THSD7A: variants seen among roughly 807,000 people sequenced by gnomAD.
The protein encoded by THSD7A is thrombospondin type-1 domain-containing protein 7A.
In THSD7A, 96 loss-of-function variants were observed where a neutral mutation model predicts 231.3. The ratio of observed to expected loss-of-function variants is 0.41; its 90% CI spans 0.35 to 0.49. The LOEUF (loss-of-function observed/expected upper bound fraction) is 0.49, where lower values mean the gene tolerates loss of function less well. Among genes scored for constraint, THSD7A ranks in the 20% least tolerant of loss-of-function variants. The pLI, the probability that THSD7A is intolerant of heterozygous loss-of-function variation, is 0.05. For synonymous variants in THSD7A, 940 were observed against 743.3 expected (o/e 1.26, Z -4.30); for missense variants, 2,290 against 2,070.2 (o/e 1.11, Z -2.06).
At chr7:11,594,419 G>T (rs1165884013) in intron 2 of THSD7A, among the ~76,000 whole-genome samples, 1 of 152,156 alleles carries the variant, frequency 6.6e-6, no homozygotes, top group East Asian at 1.9e-4. Flanking sequence ...GATTTCTGGA[G>T]TTGGCTGCTT....
intron 1 of THSD7A, among the ~76,000 whole-genome samples, chr7:11,668,724 G>C (rs1379255458): frequency 6.6e-6 from 1 of 152,162 alleles, no homozygotes; most frequent in Non-Finnish European, 1.5e-5. Flanking sequence ...TCCTAAAACA[G>C]AAGTATGAAT....
intron 4 of THSD7A, among the ~76,000 whole-genome samples, chr7:11,553,536 T>C (rs1323843798): frequency 6.6e-6 from 1 of 152,100 alleles, no homozygotes; most frequent in Non-Finnish European, 1.5e-5. Context: ...TCTTGTATAA[T>C]TTACTATTTA....
Position 11,378,922 on chromosome 7 carries a change from T to G in THSD7A, c.4801+148A>C, listed in dbSNP as rs1282091105. The G allele has an allele frequency of 7.3e-6, 5 of 684,744 alleles. No homozygotes were observed. The African/African-American group carries it at 9.1e-5, about 12-fold the overall frequency. 42.4% of individuals were successfully genotyped at this position (684,744 alleles called of 1,614,324 possible). ...ATTTTCCATAATGATAGTAAAAAAT[T>G]GAAGAATAGATGGCACTATCAGAAT... is the stretch of plus-strand genomic sequence containing the variant. On this transcript the variant is annotated intron_variant, in intron 26 of 27. Coordinates refer to ENST00000423059, the MANE Select transcript of THSD7A (RefSeq NM_015204.3).
In THSD7A at chr7:11,373,617, T is replaced by G. The variant is rs1385800654; in HGVS notation, c.*2177A>C. ...AATATAGTGAATATTGAATGAGGAA[T>G]TAGCGCTTACTGCATTTAGTTCTTA... On this transcript the variant is annotated 3_prime_UTR_variant, in exon 28 of 28. Transcript: ENST00000423059. 1 of 152,048 alleles carries G rather than the reference T, an allele frequency of 6.6e-6. No homozygotes were observed. Among genetic ancestry groups the G allele is most frequent in the Non-Finnish European group, 1.5e-5 (1 of 67,972 alleles). The allele number at this position is 152,048 out of a possible 1,614,324, so 9.4% of individuals were successfully genotyped here.
chr7:11,803,923 A>G (rs1430428569), intron 1 of THSD7A, among the ~76,000 whole-genome samples: 1 of 152,178 alleles, frequency 6.6e-6, no homozygotes, highest in Non-Finnish European at 1.5e-5. Context: ...ACATTACAAT[A>G]TATTAGATTA....
rs1783767543 is a variant in THSD7A, at chr7:11,411,053, T to C, written c.3798+154A>G. ...ATGTAGGAATCAGTAGTGTTGGACA[T>C]TGTGTCTTTTCAAGAACATACTTAG... On this transcript the variant is annotated intron_variant, in intron 19 of 27. Coordinates refer to ENST00000423059, the MANE Select transcript of THSD7A (RefSeq NM_015204.3). This position sits in a 1 kb window ranked among gnomAD's most constrained non-coding sequence, Gnocchi z 4.1. Among the ~76,000 whole-genome samples, 1 of 151,926 alleles carries C rather than the reference T, an allele frequency of 6.6e-6. No individual in the cohort carries two copies. Among genetic ancestry groups the C allele is most frequent in the Non-Finnish European group, 1.5e-5 (1 of 68,016 alleles).
chr7:11,572,848 C>T (rs2128335136), intron 4 of THSD7A, among the ~76,000 whole-genome samples: 1 of 152,100 alleles, frequency 6.6e-6, no homozygotes. Flanking sequence ...TGCCTTTTTC[C>T]CTCCGTCAAT....
In THSD7A at chr7:11,461,584, T is replaced by C. The variant is rs541057919; in HGVS notation, c.2501+427A>G. Among the ~76,000 whole-genome samples, 25 of 152,306 alleles carry C rather than the reference T, an allele frequency of 1.6e-4. No homozygotes were observed. In the South Asian group the frequency reaches 3.9e-3, roughly 24 times the overall value. On this transcript the variant is annotated intron_variant, in intron 10 of 27. Coordinates refer to ENST00000423059, the MANE Select transcript of THSD7A (RefSeq NM_015204.3). ...CTTACCAGCATCATTGAGATACAGA[T>C]GTCATTTCCTGAGCCAGAATGTGAG...
At chr7:11,792,816 C>T (rs1223038556) in intron 1 of THSD7A, among the ~76,000 whole-genome samples, 4 of 151,782 alleles carry the variant, frequency 2.6e-5, no homozygotes, top group Non-Finnish European at 5.9e-5. Context: ...TTCAGTTATT[C>T]AACTTTCCAT....
Position 11,411,850 on chromosome 7 carries a change from G to A in THSD7A, c.3683-528C>T, listed in dbSNP as rs1288898278. Reference sequence around the variant, plus strand: ...CATTCTCTTATGTCTTTCGTAAGAAGACATAAAAGACACCTCTTTCCCTGG... The same window carrying A: ...CATTCTCTTATGTCTTTCGTAAGAAAACATAAAAGACACCTCTTTCCCTGG... On this transcript the variant is annotated intron_variant, in intron 18 of 27. Coordinates refer to ENST00000423059, the MANE Select transcript of THSD7A (RefSeq NM_015204.3). The surrounding 1 kb of genome is among the most constrained non-coding windows in gnomAD (Gnocchi z 4.1). 6.6e-6 allele frequency among the ~76,000 whole-genome samples: 1 copy of A among 150,698 alleles called. No individual in the cohort carries two copies. Among genetic ancestry groups the A allele is most frequent in the Admixed American group, 6.6e-5 (1 of 15,134 alleles).
chr7:11,636,062 C>T lies in THSD7A; in HGVS notation c.1022+68G>A, dbSNP rs1422600611. The T allele has an allele frequency of 6.4e-6, 9 of 1,405,862 alleles. No homozygotes were observed. Among genetic ancestry groups the T allele is most frequent in the South Asian group, 1.4e-5 (1 of 73,540 alleles). The allele number at this position is 1,405,862 out of a possible 1,614,324, so 87.1% of individuals were successfully genotyped here. On this transcript the variant is annotated intron_variant, in intron 2 of 27. Transcript: ENST00000423059. The surrounding 1 kb of genome is among the most constrained non-coding windows in gnomAD (Gnocchi z 10.0). ...TAATCCAGAAGTTATTAGATAGTACCGGATATCTTAGGTACTCATGATTCT... is the reference window on the plus strand; with the variant it reads ...TAATCCAGAAGTTATTAGATAGTACTGGATATCTTAGGTACTCATGATTCT...
At position 11,401,802 on chromosome 7, in the gene THSD7A, T is replaced by G; in HGVS notation, c.4404A>C (p.Ser1468=). Reference sequence around the variant, plus strand: ...ATGAACGGTAGCACTCACCATAACATGATTTTGTTTCTAACATCTGCTCTG... The same window carrying G: ...ATGAACGGTAGCACTCACCATAACAGGATTTTGTTTCTAACATCTGCTCTG... The part of the protein sequence containing the change: ...LCPEQMLETK[S]CYDGQCYEYK... The change falls in exon 23 of 28, where the codon TCA becomes TCC. Residue 1468 remains serine (S), a synonymous_variant. Transcript: ENST00000423059. 6.2e-7 allele frequency: 1 copy of G among 1,612,856 alleles called. No individual in the cohort carries two copies. Among genetic ancestry groups the G allele is most frequent in the East Asian group, 2.2e-5 (1 of 44,854 alleles).
At chr7:11,583,076 T>G (rs1791237413) in intron 4 of THSD7A, among the ~76,000 whole-genome samples, 1 of 152,158 alleles carries the variant, frequency 6.6e-6, no homozygotes, top group Non-Finnish European at 1.5e-5. Flanking sequence ...TTCCTTATTT[T>G]TTTTGTCTTC....
chr7:11,397,861 C>T (rs1783249192), intron 23 of THSD7A, among the ~76,000 whole-genome samples: 1 of 152,168 alleles, frequency 6.6e-6, no homozygotes, highest in African/African-American at 2.4e-5. Flanking sequence ...TACCATCTCA[C>T]ACCAATTAGA....
At chr7:11,448,971 A>G (rs994242740) in intron 11 of THSD7A, among the ~76,000 whole-genome samples, 1 of 152,104 alleles carries the variant, frequency 6.6e-6, no homozygotes, top group Non-Finnish European at 1.5e-5. Flanking sequence ...ACAGAAACAA[A>G]TAAAAAACAT....
At chr7:11,782,098 T>C (rs1783649415) in intron 1 of THSD7A, among the ~76,000 whole-genome samples, 1 of 152,188 alleles carries the variant, frequency 6.6e-6, no homozygotes, top group African/African-American at 2.4e-5. Flanking sequence ...ACCACTATTA[T>C]GGGTATAAAG....
intron 1 of THSD7A, among the ~76,000 whole-genome samples, chr7:11,699,596 C>T (rs773855716): frequency 6.0e-5 from 9 of 151,150 alleles, no homozygotes; most frequent in African/African-American, 9.7e-5. Context: ...AAATTGAGCA[C>T]GAGTTACCCT....
At chr7:11,729,088 C>T (rs115967421) in intron 1 of THSD7A, among the ~76,000 whole-genome samples, 1 of 151,728 alleles carries the variant, frequency 6.6e-6, no homozygotes, top group African/African-American at 2.4e-5. Flanking sequence ...ATCATAAAAA[C>T]TTAAATAGAT....
chr7:11,428,023 T>G (rs1784374290), intron 14 of THSD7A, among the ~76,000 whole-genome samples: 3 of 152,186 alleles, frequency 2.0e-5, no homozygotes, highest in Admixed American at 2.0e-4. Context: ...TCTTTCTGTT[T>G]TCTCTACAAT....
Sources: allele counts gnomAD v4.1 joint callset (sites outside exome capture counted in the v4.1 genomes callset), GRCh38; gene constraint gnomAD v4.1.1; non-coding constraint Gnocchi (gnomAD v3.1); transcripts MANE v1.5; gene names NCBI Gene and HGNC (gene_info 2026-07-23, HGNC 2026-07-21).